The following NRXN1 variants were observed in gnomAD, a reference collection of about 807,000 sequenced individuals.
NRXN1 encodes the protein neurexin 1, also known as neurexin-1.
In NRXN1, 39 loss-of-function variants were observed where a neutral mutation model predicts 150.9. That is an observed-to-expected ratio of 0.26 (90% confidence interval 0.20 to 0.34). The LOEUF (loss-of-function observed/expected upper bound fraction) is 0.34. Ranked by LOEUF, NRXN1 falls within the 10% of genes least tolerant of loss-of-function variation. NRXN1 has a pLI of 1.00. For synonymous variants in NRXN1, 924 were observed against 757.0 expected, an observed-to-expected ratio of 1.22 and a Z score of -3.62; for missense variants, 1,815 against 1,949.9, an observed-to-expected ratio of 0.93 and a Z score of 1.30.
intron 19 of NRXN1, among the ~76,000 whole-genome samples, chr2:50,089,319 A>G (rs75351848): frequency 0.013 from 2,042 of 152,336 alleles, 47 homozygotes; most frequent in African/African-American, 0.047. Context: ...TCCACTGTTC[A>G]CAGCTGACAA....
intron 8 of NRXN1, among the ~76,000 whole-genome samples, chr2:50,596,501 C>A (rs1231184470): frequency 6.6e-6 from 1 of 152,168 alleles, no homozygotes; most frequent in Non-Finnish European, 1.5e-5. Flanking sequence ...ATGCAATTTG[C>A]CAAAACTGCT....
At position 50,506,620 on chromosome 2, in the gene NRXN1, G is replaced by A. The variant is rs1281989889; in HGVS notation, c.2375-3C>T. On this transcript the variant is annotated splice_polypyrimidine_tract_variant and splice_region_variant and intron_variant, in intron 12 of 22. Coordinates refer to ENST00000401669, the MANE Select transcript of NRXN1 (RefSeq NM_001330078.2). Reference sequence around the variant, plus strand: ...AAAAAGAGTCTCGGGACCTTTGCCTGTAGAATATGCCAAACAGTCATTATG... The same window carrying A: ...AAAAAGAGTCTCGGGACCTTTGCCTATAGAATATGCCAAACAGTCATTATG... 1.2e-6 allele frequency: 2 copies of A among 1,612,662 alleles called. No homozygotes were observed. Among genetic ancestry groups the A allele is most frequent in the East Asian group, 2.2e-5 (1 of 44,826 alleles).
intron 17 of NRXN1, among the ~76,000 whole-genome samples, chr2:50,308,708 T>C (rs1262822839): frequency 1.3e-5 from 2 of 152,180 alleles, no homozygotes; most frequent in Non-Finnish European, 2.9e-5. Flanking sequence ...AATATTTTTC[T>C]TTCTGCGTCC....
At chr2:50,615,813 C>T (rs1678967051) in intron 8 of NRXN1, 1 of 152,116 alleles carries the variant, frequency 6.6e-6, no homozygotes. Context: ...TTCTAACCTC[C>T]TCTCCTTTTG....
At chr2:50,859,681 A>T (rs1675821180) in intron 5 of NRXN1, among the ~76,000 whole-genome samples, 1 of 151,916 alleles carries the variant, frequency 6.6e-6, no homozygotes, top group Non-Finnish European at 1.5e-5. Flanking sequence ...TGCCAGTATA[A>T]TGACTGCAAG....
intron 18 of NRXN1, among the ~76,000 whole-genome samples, chr2:50,091,698 A>G (rs1166605720): frequency 6.6e-6 from 1 of 152,224 alleles, no homozygotes; most frequent in Non-Finnish European, 1.5e-5. Flanking sequence ...GATAATTGAT[A>G]TTCCAAAAGG....
intron 16 of NRXN1, among the ~76,000 whole-genome samples, chr2:50,468,478 G>A (rs956106979): frequency 6.6e-6 from 1 of 151,466 alleles, no homozygotes; most frequent in Non-Finnish European, 1.5e-5. Context: ...ACACAAGAGA[G>A]AGCCTTAAAT....
chr2:50,902,966 A>G (rs1188926331), intron 5 of NRXN1, among the ~76,000 whole-genome samples: 1 of 152,184 alleles, frequency 6.6e-6, no homozygotes, highest in African/African-American at 2.4e-5. Flanking sequence ...AAGTACATTT[A>G]GAAAACTGCT....
chr2:50,981,556 C>T (rs192314934), intron 2 of NRXN1, among the ~76,000 whole-genome samples: 4 of 149,512 alleles, frequency 2.7e-5, no homozygotes, highest in East Asian at 4.0e-4. Context: ...ATTTGTATTA[C>T]GTATTAATTT....
chr2:49,964,885 GTTCT>G (rs1676675885), intron 21 of NRXN1, among the ~76,000 whole-genome samples: 1 of 152,034 alleles, frequency 6.6e-6, no homozygotes, highest in Admixed American at 6.6e-5. Context: ...AAATGTAAAA[GTTCT>G]TTATTTTATT....
intron 10 of NRXN1, among the ~76,000 whole-genome samples, chr2:50,537,527 G>GA (rs989287663): frequency 4.0e-5 from 6 of 151,616 alleles, no homozygotes; most frequent in African/African-American, 9.7e-5. Context: ...TGTATAGGGT[G>GA]AAAAAAAAGA....
chr2:49,974,286 G>A (rs111539863), intron 21 of NRXN1: 6 of 558,630 alleles, frequency 1.1e-5, no homozygotes, highest in Admixed American at 2.4e-5. Context: ...GTCTGCAGTT[G>A]ACGAGGCTGT....
At chr2:50,221,741 C>T (rs1249651516) in intron 18 of NRXN1, among the ~76,000 whole-genome samples, 2 of 151,938 alleles carry the variant, frequency 1.3e-5, no homozygotes, top group Non-Finnish European at 2.9e-5. Context: ...GAACATCTTA[C>T]TTCCTTTCGA....
At chr2:50,872,276 AT>A (rs1345194653) in intron 5 of NRXN1, among the ~76,000 whole-genome samples, 1 of 151,882 alleles carries the variant, frequency 6.6e-6, no homozygotes, top group African/African-American at 2.4e-5. Flanking sequence ...CTAAAATGTA[AT>A]GTGTAATAAT....
intron 8 of NRXN1, among the ~76,000 whole-genome samples, chr2:50,567,457 A>G (rs1670046205): frequency 6.6e-6 from 1 of 152,200 alleles, no homozygotes; most frequent in African/African-American, 2.4e-5. Flanking sequence ...ACTTTGGAAC[A>G]AAATATAAAG....
chr2:50,780,522 A>C (rs1704225046), intron 5 of NRXN1, among the ~76,000 whole-genome samples: 1 of 152,110 alleles, frequency 6.6e-6, no homozygotes, highest in South Asian at 2.1e-4. Context: ...CTTTTAAATT[A>C]ATCATTATTT....
rs180886419 is a variant in NRXN1 at position 50,437,668 on chromosome 2, C to T, written c.3364+27774G>A. Among the ~76,000 whole-genome samples, 16 of 151,884 alleles carry T rather than the reference C, an allele frequency of 1.1e-4. 1 individual carries two copies. The highest frequency in any genetic ancestry group is 3.6e-4 in the African/African-American group (15 of 41,356). On this transcript the variant is annotated intron_variant, in intron 17 of 22. Transcript: ENST00000401669. ...GATCTTGAAATTATGCTAGTCAGTT[C>T]CTACTAACTACTTCATGATACAGGG...
intron 18 of NRXN1, among the ~76,000 whole-genome samples, chr2:50,145,218 C>T (rs1173212315): frequency 6.6e-6 from 1 of 151,566 alleles, no homozygotes; most frequent in Non-Finnish European, 1.5e-5. Flanking sequence ...CATCCCTTTA[C>T]CCAAGTTCAC....
intron 21 of NRXN1, among the ~76,000 whole-genome samples, chr2:49,944,207 C>T (rs1253517033): frequency 6.6e-6 from 1 of 152,178 alleles, no homozygotes. Flanking sequence ...AAGCCATAAC[C>T]TTTTACACTC....
Sources: allele counts gnomAD v4.1 joint callset (sites outside exome capture counted in the v4.1 genomes callset), GRCh38; gene constraint gnomAD v4.1.1; transcripts MANE v1.5; gene names NCBI Gene and HGNC (gene_info 2026-07-23, HGNC 2026-07-21).